SFTPD: variants seen among roughly 807,000 people sequenced by gnomAD.
SFTPD encodes pulmonary surfactant-associated protein D.
In SFTPD, 18 loss-of-function variants were observed where a neutral mutation model predicts 34.6. The observed-to-expected ratio is 0.52, with a 90% CI of 0.36 to 0.77. The LOEUF (loss-of-function observed/expected upper bound fraction) is 0.77. SFTPD is among the 30% of genes least tolerant of loss of function. The pLI is 0.00. For synonymous variants in SFTPD, 155 were observed against 180.9 expected, an observed-to-expected ratio of 0.86 and a Z score of 1.15; for missense variants, 433 against 468.9, an observed-to-expected ratio of 0.92 and a Z score of 0.71.
intron 1 of SFTPD, among the ~76,000 whole-genome samples, chr10:79,946,989 G>T (rs983413502): frequency 6.6e-6 from 1 of 152,206 alleles, no homozygotes; most frequent in Non-Finnish European, 1.5e-5. Context: ...CCTCACTGGG[G>T]CCATCTGTCA....
chr10:79,967,747 C>A (rs539958650), intron 1 of SFTPD, among the ~76,000 whole-genome samples: 5 of 152,120 alleles, frequency 3.3e-5, no homozygotes, highest in Admixed American at 2.6e-4. Flanking sequence ...ATCCAGATGG[C>A]CTGAAGTAAC....
chr10:79,966,542 A>G (rs1361128498), intron 1 of SFTPD, among the ~76,000 whole-genome samples: 1 of 140,804 alleles, frequency 7.1e-6, no homozygotes, highest in Non-Finnish European at 1.5e-5. Context: ...TTGCCTGTTC[A>G]CTCTGATGGT....
chr10:79,940,373 C>G (rs1368505872), intron 7 of SFTPD, among the ~76,000 whole-genome samples: 2 of 152,190 alleles, frequency 1.3e-5, no homozygotes, highest in African/African-American at 2.4e-5. Context: ...GTGGGTAGTT[C>G]AGGAGCCTGA....
At chr10:79,956,870 C>A (rs1842742911) in intron 1 of SFTPD, among the ~76,000 whole-genome samples, 1 of 152,182 alleles carries the variant, frequency 6.6e-6, no homozygotes, top group African/African-American at 2.4e-5. Context: ...GGGTCCTTGA[C>A]CCCAGAGCAG....
intron 7 of SFTPD, among the ~76,000 whole-genome samples, chr10:79,940,288 A>G (rs1842598057): frequency 6.6e-6 from 1 of 152,224 alleles, no homozygotes; most frequent in Non-Finnish European, 1.5e-5. Context: ...CAAAGTAGGC[A>G]GGAGAGAGGC....
chr10:79,947,217 C>T (rs726288), intron 1 of SFTPD, among the ~76,000 whole-genome samples: 4,997 of 152,322 alleles, frequency 0.033, 188 homozygotes, highest in East Asian at 0.22. Flanking sequence ...CCTTCCTGAG[C>T]GCAGGCTGGG....
intron 1 of SFTPD, chr10:79,972,099 G>C (rs1307176197): frequency 6.6e-6 from 1 of 152,108 alleles, no homozygotes; most frequent in Non-Finnish European, 1.5e-5. Flanking sequence ...ACCAATTCAG[G>C]CCTCCTCTCT....
intron 1 of SFTPD, chr10:79,981,926 C>G (rs1365389757): frequency 3.3e-6 from 1 of 299,226 alleles, no homozygotes; most frequent in African/African-American, 2.3e-5. Flanking sequence ...TGCCCGCAGC[C>G]GAGACCCCTT....
intron 1 of SFTPD, among the ~76,000 whole-genome samples, chr10:79,954,352 C>T (rs1250388079): frequency 3.9e-5 from 6 of 152,166 alleles, no homozygotes; most frequent in Admixed American, 3.9e-4. Flanking sequence ...CTGTTGGTGA[C>T]CACAGGTGGG....
At chr10:79,954,341 G>A (rs760164243) in intron 1 of SFTPD, among the ~76,000 whole-genome samples, 14 of 152,308 alleles carry the variant, frequency 9.2e-5, no homozygotes, top group South Asian at 8.3e-4. Flanking sequence ...CAGACAACCC[G>A]CTGTTGGTGA....
intron 1 of SFTPD, among the ~76,000 whole-genome samples, chr10:79,956,884 A>G (rs897747221): frequency 1.3e-5 from 2 of 152,208 alleles, no homozygotes; most frequent in African/African-American, 4.8e-5. Context: ...AGAGCAGCCT[A>G]ACTGGGAGGC....
chr10:79,978,106 T>TA (rs1184481801), intron 1 of SFTPD, among the ~76,000 whole-genome samples: 1 of 152,218 alleles, frequency 6.6e-6, no homozygotes, highest in Non-Finnish European at 1.5e-5. Context: ...TATCAGATGA[T>TA]ATAGCTTTGC....
At chr10:79,947,102 C>T (rs549487613) in intron 1 of SFTPD, among the ~76,000 whole-genome samples, 2 of 152,254 alleles carry the variant, frequency 1.3e-5, no homozygotes, top group African/African-American at 2.4e-5. Flanking sequence ...TTAGCTCAGA[C>T]AAGGCAAGCC....
upstream of SFTPD, among the ~76,000 whole-genome samples, chr10:79,953,107 T>G (rs562245265): frequency 3.9e-5 from 6 of 152,366 alleles, no homozygotes; most frequent in African/African-American, 7.2e-5. Context: ...AGACCATGAT[T>G]ATTCAACTGC....
Position 79,946,584 on chromosome 10 carries a change from A to G in SFTPD, c.76T>C (p.Tyr26His), listed in dbSNP as rs1842667451. 1.2e-6 allele frequency: 2 copies of G among 1,614,060 alleles called. No individual in the cohort carries two copies. Among genetic ancestry groups the G allele is most frequent in the Non-Finnish European group, 1.7e-6 (2 of 1,180,010 alleles). The stretch of plus-strand genomic sequence containing the variant: ...GCACTGGGCATTGTTCTGTGGGAGT[A>G]GGTCTTCATTTCTGCTTCCAGGTAG... The part of the protein sequence containing the change: ...LGYLEAEMKT[Y>H]SHRTMPSACT... Residue 26 changes from tyrosine to histidine, a missense_variant, in exon 2 of 8, where the codon TAC becomes CAC. By Grantham distance (83) the Tyr-to-His change is moderately conservative. Transcript: ENST00000372292.
rs1451194767 is a variant in SFTPD at position 79,967,585 on chromosome 10, G to A, written c.36+14990C>T. 1.8e-4 allele frequency among the ~76,000 whole-genome samples: 26 copies of A among 144,574 alleles called. 1 individual carries two copies. Among genetic ancestry groups the A allele is most frequent in the African/African-American group, 6.9e-4 (26 of 37,672 alleles). 94.8% of individuals were successfully genotyped at this position (144,574 alleles called of 152,430 possible). On this transcript the variant is annotated intron_variant, in intron 1 of 5. Coordinates refer to the SFTPD transcript ENST00000444384. ...AGGCTACAGTAACCAAAACAGCATG[G>A]TACTGGTACCAAAACAGAGATATAG...
upstream of SFTPD, among the ~76,000 whole-genome samples, chr10:79,952,896 G>T (rs559105113): frequency 5.3e-5 from 8 of 152,320 alleles, no homozygotes; most frequent in African/African-American, 1.9e-4. Flanking sequence ...CAGGTGCAGA[G>T]GGTTTCTCCA....
intron 1 of SFTPD, among the ~76,000 whole-genome samples, chr10:79,974,323 AC>A (rs757388074): frequency 1.6e-4 from 25 of 151,694 alleles, no homozygotes; most frequent in Non-Finnish European, 3.1e-4. Flanking sequence ...ACCTGCCACC[AC>A]GCCCAGCTAA....
upstream of SFTPD, among the ~76,000 whole-genome samples, chr10:79,952,016 C>T (rs553484993): frequency 3.3e-4 from 50 of 152,324 alleles, no homozygotes; most frequent in South Asian, 7.9e-3. Context: ...ACCCTTGTCC[C>T]GGAGCTTGTG....
Sources: gnomAD v4.1 joint callset for allele counts (sites outside exome capture counted in the v4.1 genomes callset) on GRCh38, gnomAD v4.1.1 for gene constraint, MANE v1.5 for transcripts, NCBI Gene and HGNC (gene_info 2026-07-23, HGNC 2026-07-21) for gene names.